The following ANKRD44 variants were observed in gnomAD, a reference collection of about 807,000 sequenced individuals.
ANKRD44 encodes serine/threonine-protein phosphatase 6 regulatory ankyrin repeat subunit B.
A neutral mutation model predicts 116.0 loss-of-function variants in ANKRD44; 35 were observed. The ratio of observed to expected loss-of-function variants is 0.30; its 90% CI spans 0.23 to 0.40. ANKRD44 has a LOEUF of 0.40. ANKRD44 is among the 10% of genes least tolerant of loss of function. ANKRD44 has a pLI of 1.00. For missense variants in ANKRD44, 1,014 were observed against 1,242.6 expected, an observed-to-expected ratio of 0.82 and a Z score of 2.77; for synonymous variants, 435 against 461.8, an observed-to-expected ratio of 0.94 and a Z score of 0.74.
At chr2:197,261,048 G>A (rs1054251564) in intron 1 of ANKRD44, among the ~76,000 whole-genome samples, 4 of 151,766 alleles carry the variant, frequency 2.6e-5, no homozygotes, top group African/African-American at 9.7e-5. Flanking sequence ...TCTGATGGTA[G>A]TTTCTTTTGC....
chr2:197,187,141 A>G (rs748982232), intron 1 of ANKRD44, 35 bp from the exon 2 acceptor site: 16 of 1,588,926 alleles, frequency 1.0e-5, no homozygotes, highest in Admixed American at 1.7e-5. Flanking sequence ...CAGAACTAAA[A>G]TTAATACATC....
chr2:197,175,644 T>C (rs1387931590), intron 2 of ANKRD44, among the ~76,000 whole-genome samples: 1 of 152,138 alleles, frequency 6.6e-6, no homozygotes, highest in Non-Finnish European at 1.5e-5. Context: ...GTTGCAGCAA[T>C]GTGATTCCTT....
chr2:197,219,475 G>T (rs918290304), intron 1 of ANKRD44, among the ~76,000 whole-genome samples: 2 of 152,024 alleles, frequency 1.3e-5, no homozygotes, highest in African/African-American at 4.8e-5. Flanking sequence ...ACATAAAGTC[G>T]CTTTTGCTTA....
chr2:197,207,296 G>A (rs886382393), intron 1 of ANKRD44, among the ~76,000 whole-genome samples: 1 of 152,194 alleles, frequency 6.6e-6, no homozygotes, highest in Non-Finnish European at 1.5e-5. Context: ...AATGAGGCCA[G>A]GACGTTCTTA....
In ANKRD44 at chr2:197,007,893, T is replaced by C. The variant is rs1190117646; in HGVS notation, c.2043A>G (p.Gly681=). The C allele has an allele frequency of 1.2e-6, 2 of 1,613,942 alleles. No individual in the cohort carries two copies. The highest frequency in any genetic ancestry group is 1.7e-5 in the Admixed American group (1 of 60,024). The change falls in exon 20 of 28, where the codon GGA becomes GGG. Residue 681 remains glycine (G), a synonymous_variant. Coordinates refer to ENST00000282272, the MANE Select transcript of ANKRD44 (RefSeq NM_001195144.2). ...QTPLMLAVAY[G]HIDAVSLLLE... ...GTAACAATGAAACAGCGTCAATATGTCCATATGCTACTGCAAGCATCAGTG... is the reference window on the plus strand; with the variant it reads ...GTAACAATGAAACAGCGTCAATATGCCCATATGCTACTGCAAGCATCAGTG...
chr2:196,971,032 T>C (rs572500123), intron 21 of ANKRD44, among the ~76,000 whole-genome samples: 10 of 152,200 alleles, frequency 6.6e-5, no homozygotes, highest in Non-Finnish European at 1.0e-4. Context: ...TGTTATCTTA[T>C]AGCCCTTGTC....
At chr2:197,177,660 G>A (rs537094979) in intron 2 of ANKRD44, among the ~76,000 whole-genome samples, 2 of 151,892 alleles carry the variant, frequency 1.3e-5, no homozygotes, top group South Asian at 2.1e-4. Flanking sequence ...CATGGTCAGT[G>A]TAAAAAAACT....
Position 197,198,262 on chromosome 2 carries a change from G to A in ANKRD44, c.28-11156C>T, listed in dbSNP as rs574406174. On this transcript the variant is annotated intron_variant, in intron 1 of 27. Transcript: ENST00000282272. ...TTGAATACCAAGCTAAGAAATTTGA[G>A]CTCTCTTCTGTGGAACTGGGGGAGC... Among the ~76,000 whole-genome samples the A allele has an allele frequency of 9.2e-5, 14 of 152,280 alleles. No homozygotes were observed. In the South Asian group the frequency reaches 2.9e-3, roughly 32 times the overall value.
chr2:197,200,922 A>C (rs938585133), intron 1 of ANKRD44, among the ~76,000 whole-genome samples: 4 of 152,242 alleles, frequency 2.6e-5, no homozygotes, highest in Non-Finnish European at 5.9e-5. Context: ...AAAATATTTA[A>C]TAACAAGTTT....
At chr2:197,218,435 T>C (rs1008188982) in intron 1 of ANKRD44, among the ~76,000 whole-genome samples, 19 of 152,164 alleles carry the variant, frequency 1.2e-4, no homozygotes, top group Non-Finnish European at 2.4e-4. Context: ...CCAGTGAACA[T>C]GGCATTCTGC....
chr2:197,038,120 A>G (rs1214288844), intron 16 of ANKRD44, among the ~76,000 whole-genome samples: 1 of 152,154 alleles, frequency 6.6e-6, no homozygotes, highest in Non-Finnish European at 1.5e-5. Context: ...AATGTATAAC[A>G]CCAAGAGTGG....
intron 27 of ANKRD44, chr2:196,990,766 G>C: frequency 8.1e-7 from 1 of 1,232,184 alleles, no homozygotes; most frequent in Non-Finnish European, 1.0e-6. Flanking sequence ...ATGCTACCCA[G>C]ATTGGAGAGG....
intron 27 of ANKRD44, chr2:196,990,419 T>C (rs1366716864): frequency 8.9e-7 from 1 of 1,129,472 alleles, no homozygotes; most frequent in African/African-American, 1.6e-5. Context: ...ATACATCTTT[T>C]ATTCTTTATT....
intron 2 of ANKRD44, 122 bp from the exon 3 acceptor site, chr2:197,147,227 A>G: frequency 1.4e-6 from 1 of 714,140 alleles, no homozygotes. Flanking sequence ...GTGAACACCA[A>G]ACATTCGAGT....
At chr2:197,273,974 AAAAAAAATATATAT>A (rs2082979609) in intron 1 of ANKRD44, among the ~76,000 whole-genome samples, 1 of 33,642 alleles carries the variant, frequency 3.0e-5, no homozygotes, top group Non-Finnish European at 6.5e-5. Context: ...AAAAAAAAAA[AAAAAAAATATATAT>A]ATATATATAT....
intron 1 of ANKRD44, among the ~76,000 whole-genome samples, chr2:197,292,535 A>G (rs2083602264): frequency 6.6e-6 from 1 of 152,242 alleles, no homozygotes; most frequent in African/African-American, 2.4e-5. Context: ...TTCCATTTTA[A>G]AAGTCAACAT....
intron 2 of ANKRD44, among the ~76,000 whole-genome samples, chr2:197,166,909 A>C (rs1482400728): frequency 3.9e-5 from 6 of 152,354 alleles, no homozygotes; most frequent in Non-Finnish European, 5.9e-5. Context: ...AAGATAAATC[A>C]AGTCAATTCT....
chr2:197,032,410 A>G (rs1328122866), intron 16 of ANKRD44, among the ~76,000 whole-genome samples: 2 of 139,324 alleles, frequency 1.4e-5, no homozygotes, highest in Admixed American at 1.5e-4. Context: ...TTTTTTTGAG[A>G]TGAAGTCTCG....
chr2:196,988,735 CT>C lies in ANKRD44; in HGVS notation c.*855del. On this transcript the variant is annotated 3_prime_UTR_variant, in exon 28 of 28. Coordinates refer to ENST00000282272, the MANE Select transcript of ANKRD44 (RefSeq NM_001195144.2). ...AGTACTGCTCTAATTCGACACATTT[CT>C]TTTCTGTCTCTTCCTCAAGTAGAAA... is the stretch of plus-strand genomic sequence containing the variant. 1.0e-6 allele frequency: 1 copy of C among 985,400 alleles called. No homozygotes were observed. The highest frequency in any genetic ancestry group is 1.2e-6 in the Non-Finnish European group (1 of 829,908). The allele number at this position is 985,400 out of a possible 1,614,324, so 61.0% of individuals were successfully genotyped here.
Sources: gnomAD v4.1 joint callset for allele counts (sites outside exome capture counted in the v4.1 genomes callset) on GRCh38, gnomAD v4.1.1 for gene constraint, MANE v1.5 for transcripts, NCBI Gene and HGNC (gene_info 2026-07-23, HGNC 2026-07-21) for gene names.